Variants in NPTXR observed in about 807,000 individuals in gnomAD.
The protein encoded by NPTXR is neuronal pentraxin receptor.
A neutral mutation model predicts 32.2 loss-of-function variants in NPTXR; 12 were observed. That is an observed-to-expected ratio of 0.37 (90% confidence interval 0.24 to 0.60). The LOEUF (loss-of-function observed/expected upper bound fraction) is 0.60. NPTXR is among the 20% of genes least tolerant of loss of function. The probability of loss-of-function intolerance (pLI) is 0.66; values close to 1 mark genes in which losing one functional copy is unlikely to be tolerated. For synonymous variants in NPTXR, 323 were observed against 315.8 expected, an observed-to-expected ratio of 1.02 and a Z score of -0.24; for missense variants, 612 against 682.9, an observed-to-expected ratio of 0.90 and a Z score of 1.16.
chr22:38,841,310 C>T (rs1456990932), intron 1 of NPTXR, among the ~76,000 whole-genome samples: 1 of 152,264 alleles, frequency 6.6e-6, no homozygotes, highest in Non-Finnish European at 1.5e-5. Flanking sequence ...AAAAGGTATA[C>T]ATGGGGAAGC....
Position 38,843,383 on chromosome 22 carries a change from C to G in NPTXR, c.476G>C (p.Gly159Ala). The change falls in exon 1 of 5, where the codon GGC becomes GCC. Residue 159 changes from glycine to alanine, a missense_variant. Coordinates refer to ENST00000333039, the MANE Select transcript of NPTXR (RefSeq NM_014293.4). This position sits in a 1 kb window ranked among gnomAD's most constrained non-coding sequence, Gnocchi z 5.3. ...GCGCGGCAGGCCGCTCTCGCAGCGG[C>G]CCAGCTTGCCGGTGAGCTCACGGAT... 7.1e-7 allele frequency: 1 copy of G among 1,410,778 alleles called. No homozygotes were observed. The highest frequency in any genetic ancestry group is 9.2e-7 in the Non-Finnish European group (1 of 1,091,540). 87.4% of individuals were successfully genotyped at this position (1,410,778 alleles called of 1,614,324 possible). A position where few individuals can be genotyped will look rare whatever the true frequency, so the allele number is the denominator to read the frequency against.
At chr22:38,823,006 T>C in intron 4 of NPTXR, 77 bp downstream of exon 4, 1 of 1,554,172 alleles carries the variant, frequency 6.4e-7, no homozygotes, top group East Asian at 2.2e-5. Flanking sequence ...CTTGGGCAGG[T>C]CTCTGATCTC....
At chr22:38,841,525 T>C (rs192610387) in intron 1 of NPTXR, among the ~76,000 whole-genome samples, 11 of 152,390 alleles carry the variant, frequency 7.2e-5, no homozygotes, top group African/African-American at 2.6e-4. Flanking sequence ...GCAGGGGCTA[T>C]GGCAGGCACG....
intron 4 of NPTXR, 28 bp downstream of exon 4, chr22:38,823,055 C>T (rs778893125): frequency 1.9e-6 from 3 of 1,612,742 alleles, no homozygotes; most frequent in Middle Eastern, 1.6e-4. Flanking sequence ...ATTAGGAGGT[C>T]CAGCCCCAAT....
chr22:38,839,716 T>TA (rs1416792624), intron 1 of NPTXR, among the ~76,000 whole-genome samples: 1 of 150,416 alleles, frequency 6.6e-6, no homozygotes, highest in Non-Finnish European at 1.5e-5. Flanking sequence ...GAATTCAGCC[T>TA]AAAAAAATCA....
chr22:38,842,952 G>A (rs1375307933), intron 1 of NPTXR, among the ~76,000 whole-genome samples: 4 of 152,230 alleles, frequency 2.6e-5, no homozygotes, highest in Non-Finnish European at 4.4e-5. Flanking sequence ...AGTGGACACT[G>A]TTATACCTAT....
At position 38,828,351 on chromosome 22, in the gene NPTXR, C is replaced by A; in HGVS notation, c.786G>T (p.Arg262=). ...ACTCCTTTTCCACTTCCTGCCTCTG[C>A]CGGCGGCTGCTGTGGCTGAGGGCCA... is the stretch of plus-strand genomic sequence containing the variant. Residue 262 remains arginine (R), a synonymous_variant, in exon 2 of 5, where the codon CGG becomes CGT. Transcript: ENST00000333039. 1 of 1,613,176 alleles carries A rather than the reference C, an allele frequency of 6.2e-7. No individual in the cohort carries two copies. Among genetic ancestry groups the A allele is most frequent in the Non-Finnish European group, 8.5e-7 (1 of 1,180,004 alleles).
At position 38,822,820 on chromosome 22, in the gene NPTXR, C is replaced by A. The variant is rs967248905; in HGVS notation, c.1292G>T (p.Gly431Val). ...AAAGGCCTGGGTGGCATCAAACCGG[C>A]CACCCAGGGTATCCTGGGCCAAGAC... Residue 431 changes from glycine (G) to valine (V), a missense_variant, in exon 5 of 5, where the codon GGC becomes GTC. Coordinates refer to ENST00000333039, the MANE Select transcript of NPTXR (RefSeq NM_014293.4). The A allele has an allele frequency of 1.2e-6, 2 of 1,613,728 alleles. No individual in the cohort carries two copies. Among genetic ancestry groups the A allele is most frequent in the African/African-American group, 2.7e-5 (2 of 74,906 alleles).
At chr22:38,839,848 T>C (rs2093129488) in intron 1 of NPTXR, among the ~76,000 whole-genome samples, 1 of 152,162 alleles carries the variant, frequency 6.6e-6, no homozygotes, top group South Asian at 2.1e-4. Flanking sequence ...GTCAAGTGAC[T>C]GATGGATGGG....
intron 1 of NPTXR, among the ~76,000 whole-genome samples, chr22:38,829,511 A>C (rs768571722): frequency 5.3e-5 from 8 of 152,198 alleles, no homozygotes; most frequent in Non-Finnish European, 1.0e-4. Flanking sequence ...CAGAAATGTC[A>C]GTAGGAGATT....
In NPTXR at chr22:38,834,777, T is replaced by C. The variant is rs1225158813; in HGVS notation, c.625-6265A>G. Among the ~76,000 whole-genome samples, 1 of 152,144 alleles carries C rather than the reference T, an allele frequency of 6.6e-6. No individual in the cohort carries two copies. Among genetic ancestry groups the C allele is most frequent in the Admixed American group, 6.5e-5 (1 of 15,268 alleles). Reference sequence around the variant, plus strand: ...TAACTCCTCTGGCCCTCAGTTACCTTATCTGTAAAATGGGTGTAATAATAG... The same window carrying C: ...TAACTCCTCTGGCCCTCAGTTACCTCATCTGTAAAATGGGTGTAATAATAG... On this transcript the variant is annotated intron_variant, in intron 1 of 4. Coordinates refer to ENST00000333039, the MANE Select transcript of NPTXR (RefSeq NM_014293.4). The surrounding 1 kb of genome is among the most constrained non-coding windows in gnomAD (Gnocchi z 4.4).
Position 38,823,077 on chromosome 22 carries a change from C to G in NPTXR, c.1278+6G>C, listed in dbSNP as rs368124740. 1 of 1,613,932 alleles carries G rather than the reference C, an allele frequency of 6.2e-7. No homozygotes were observed. The highest frequency in any genetic ancestry group is 1.3e-5 in the African/African-American group (1 of 74,922). On this transcript the variant is annotated splice_donor_region_variant and intron_variant, in intron 4 of 4. Transcript: ENST00000333039. ...GGTCCAGCCCCAATATCAGCCTGAG[C>G]CTTACCTGCTCCTGGCCCAAGATAA... is the stretch of plus-strand genomic sequence containing the variant.
At chr22:38,837,088 A>G (rs1310692162) in intron 1 of NPTXR, among the ~76,000 whole-genome samples, 2 of 152,210 alleles carry the variant, frequency 1.3e-5, no homozygotes, top group African/African-American at 4.8e-5. Context: ...TGCTGGGATT[A>G]CAGGCGTGAG....
At chr22:38,825,339 C>T (rs948612735) in intron 3 of NPTXR, among the ~76,000 whole-genome samples, 4 of 152,160 alleles carry the variant, frequency 2.6e-5, no homozygotes, top group Non-Finnish European at 2.9e-5. Context: ...TGCATTACTT[C>T]CCCTCTCTGA....
intron 1 of NPTXR, among the ~76,000 whole-genome samples, chr22:38,837,351 G>A (rs1272719933): frequency 6.6e-6 from 1 of 152,198 alleles, no homozygotes; most frequent in Non-Finnish European, 1.5e-5. Context: ...CCCAATAGCA[G>A]AAGCCCTCTC....
At chr22:38,838,428 G>A (rs1330816437) in intron 1 of NPTXR, among the ~76,000 whole-genome samples, 1 of 152,136 alleles carries the variant, frequency 6.6e-6, no homozygotes, top group Non-Finnish European at 1.5e-5. Flanking sequence ...AGCAGCAGCA[G>A]TGAAGGTCTT....
At chr22:38,831,008 A>C (rs578096430) in intron 1 of NPTXR, among the ~76,000 whole-genome samples, 4 of 151,986 alleles carry the variant, frequency 2.6e-5, no homozygotes, top group African/African-American at 9.7e-5. Context: ...CTTACAGTGC[A>C]CTCCCCGCTT....
At chr22:38,824,051 C>T (rs916606783) in intron 3 of NPTXR, among the ~76,000 whole-genome samples, 1 of 151,892 alleles carries the variant, frequency 6.6e-6, no homozygotes, top group East Asian at 1.9e-4. Flanking sequence ...GATCTCAGCT[C>T]ACCACAGCCT....
Position 38,823,213 on chromosome 22 carries a change from C to T in NPTXR, c.1148G>A (p.Cys383Tyr). 1 of 1,613,754 alleles carries T rather than the reference C, an allele frequency of 6.2e-7. No homozygotes were observed. The highest frequency in any genetic ancestry group is 8.5e-7 in the Non-Finnish European group (1 of 1,180,026). ...GCCATCCCTTGTGGTCCAGGCGATG[C>T]AGATGTGGTGCCAGCCATTGTCCTT... The change falls in exon 4 of 5, where the codon TGC becomes TAC. Residue 383 changes from cysteine to tyrosine, a missense_variant. By Grantham distance (194) the Cys-to-Tyr change is radical. Transcript: ENST00000333039.
Sources: allele counts gnomAD v4.1 joint callset (sites outside exome capture counted in the v4.1 genomes callset), GRCh38; gene constraint gnomAD v4.1.1; non-coding constraint Gnocchi (gnomAD v3.1); transcripts MANE v1.5; gene names NCBI Gene and HGNC (gene_info 2026-07-23, HGNC 2026-07-21).